The following PPP1R21 variants were observed in gnomAD, a reference collection of about 807,000 sequenced individuals.
The protein encoded by PPP1R21 is KLRAQ motif containing 1.
PPP1R21 carries 85 observed loss-of-function variants against 112.8 expected under a neutral mutation model. The observed-to-expected ratio is 0.75, with a 90% confidence interval of 0.63 to 0.90. The LOEUF (loss-of-function observed/expected upper bound fraction) is 0.90, where lower values mean the gene tolerates loss of function less well. Ranked by LOEUF, PPP1R21 falls within the 40% of genes least tolerant of loss-of-function variation. The pLI, the probability that PPP1R21 is intolerant of heterozygous loss-of-function variation, is 0.00. For synonymous variants in PPP1R21, 381 were observed against 322.3 expected (o/e 1.18, Z -1.95); for missense variants, 1,199 against 901.5 (o/e 1.33, Z -4.23).
chr2:48,469,420 TATATATAGAGC>T, intron 9 of PPP1R21, among the ~76,000 whole-genome samples: 1 of 111,528 alleles, frequency 9.0e-6, no homozygotes, highest in Non-Finnish European at 1.8e-5. Context: ...AGAGAGCATA[TATATATAGAGC>T]ATATATATAT....
intron 1 of PPP1R21, among the ~76,000 whole-genome samples, chr2:48,443,129 C>G (rs1667104653): frequency 6.6e-6 from 1 of 152,040 alleles, no homozygotes; most frequent in African/African-American, 2.4e-5. Flanking sequence ...TTTTGAGTGC[C>G]TGCTGTGTGC....
intron 10 of PPP1R21, 34 bp from the exon 11 acceptor site, chr2:48,471,245 C>G: frequency 6.2e-7 from 1 of 1,606,896 alleles, no homozygotes; most frequent in Non-Finnish European, 8.5e-7. Flanking sequence ...TGTCCAGTAG[C>G]ACTTTTAACC....
In PPP1R21 at chr2:48,510,030, A is replaced by T. The variant is rs1214575560; in HGVS notation, c.2101A>T (p.Lys701Ter). Residue 701 changes from lysine (K) to a stop codon, truncating the protein, a stop_gained, in exon 20 of 22, where the codon AAA (lysine) becomes TAA (stop). Transcript: ENST00000294952. LOFTEE classifies it high-confidence loss of function. Reference sequence around the variant, plus strand: ...GATTTTACAGTGCCGAGCACTGTCTAAAAGACTGGCCTTGGCTGAAAAGTC... The same window carrying T: ...GATTTTACAGTGCCGAGCACTGTCTTAAAGACTGGCCTTGGCTGAAAAGTC... ...HFYAECRALS[K>*]RLALAEKSKE... 5.0e-6 allele frequency: 8 copies of T among 1,613,754 alleles called. No individual in the cohort carries two copies. The highest frequency in any genetic ancestry group is 6.8e-6 in the Non-Finnish European group (8 of 1,179,710).
At chr2:48,478,541 A>G (rs1668860177) in intron 12 of PPP1R21, among the ~76,000 whole-genome samples, 1 of 152,122 alleles carries the variant, frequency 6.6e-6, no homozygotes, top group Non-Finnish European at 1.5e-5. Context: ...TTGCTGATTG[A>G]TTGCTCTCAT....
intron 18 of PPP1R21, among the ~76,000 whole-genome samples, chr2:48,506,108 A>G (rs1670362064): frequency 6.6e-6 from 1 of 152,164 alleles, no homozygotes; most frequent in African/African-American, 2.4e-5. Context: ...TTATTTATTT[A>G]TTTAGAGACA....
chr2:48,510,925 A>C (rs1457975796), intron 20 of PPP1R21, among the ~76,000 whole-genome samples: 5 of 152,186 alleles, frequency 3.3e-5, no homozygotes, highest in Non-Finnish European at 7.3e-5. Context: ...GCTGAGAAAA[A>C]CTTGTTGCCA....
At chr2:48,508,679 ACCTG>A (rs1359506840) in intron 19 of PPP1R21, among the ~76,000 whole-genome samples, 5 of 152,024 alleles carry the variant, frequency 3.3e-5, no homozygotes, top group Non-Finnish European at 5.9e-5. Flanking sequence ...TTTCACAAGG[ACCTG>A]TGCCTTGCAT....
At chr2:48,441,654 C>T (rs1434404598) in intron 1 of PPP1R21, among the ~76,000 whole-genome samples, 1 of 152,232 alleles carries the variant, frequency 6.6e-6, no homozygotes, top group African/African-American at 2.4e-5. Flanking sequence ...GCTCAATACA[C>T]ATTAAGCAAC....
intron 4 of PPP1R21, among the ~76,000 whole-genome samples, chr2:48,459,030 T>G (rs949984006): frequency 6.8e-6 from 1 of 146,294 alleles, no homozygotes; most frequent in Non-Finnish European, 1.5e-5. Context: ...AGGCGGAGCT[T>G]GCAGTGAGCC....
chr2:48,465,032 A>T (rs1572846790), intron 8 of PPP1R21, 43 bp downstream of exon 8: 1 of 1,463,540 alleles, frequency 6.8e-7, no homozygotes, highest in Non-Finnish European at 9.2e-7. Flanking sequence ...TTATATATAC[A>T]TCAGACTTTC....
intron 9 of PPP1R21, among the ~76,000 whole-genome samples, chr2:48,469,308 TACAC>T (rs200485571): frequency 2.1e-4 from 26 of 125,292 alleles, no homozygotes; most frequent in South Asian, 7.4e-4. Flanking sequence ...TGTATATATA[TACAC>T]ACACACACAT....
intron 7 of PPP1R21, among the ~76,000 whole-genome samples, chr2:48,464,506 C>T (rs1668113709): frequency 6.6e-6 from 1 of 152,168 alleles, no homozygotes; most frequent in African/African-American, 2.4e-5. Context: ...TTGGGATCCA[C>T]AGTGGCAGAC....
intron 9 of PPP1R21, among the ~76,000 whole-genome samples, chr2:48,468,337 C>G (rs530273221): frequency 3.3e-5 from 5 of 152,164 alleles, no homozygotes; most frequent in Non-Finnish European, 4.4e-5. Context: ...AGGTGCTTGG[C>G]TTTCATCAAT....
intron 14 of PPP1R21, among the ~76,000 whole-genome samples, chr2:48,488,044 T>C (rs1214397823): frequency 1.3e-5 from 2 of 152,208 alleles, no homozygotes; most frequent in African/African-American, 4.8e-5. Flanking sequence ...GGAACAAATA[T>C]TCTTCAAGTG....
Position 48,480,248 on chromosome 2 carries a change from G to A in PPP1R21, c.1318+232G>A, listed in dbSNP as rs77345010. On this transcript the variant is annotated intron_variant, in intron 13 of 21. Transcript: ENST00000294952. ...TCCTTGTGTACAGTCCTTGTGTACA[G>A]TACTTTAGCCAGAAATACGTTACAC... is the stretch of plus-strand genomic sequence containing the variant. Among the ~76,000 whole-genome samples the A allele has an allele frequency of 6.7e-3, 1,014 of 152,308 alleles. 12 individuals carry two copies. Among genetic ancestry groups the A allele is most frequent in the South Asian group, 0.02 (97 of 4,830 alleles).
intron 14 of PPP1R21, 126 bp from the exon 15 acceptor site, chr2:48,490,892 G>T (rs1048819743): frequency 1.4e-6 from 1 of 738,016 alleles, no homozygotes; most frequent in African/African-American, 1.8e-5. Flanking sequence ...CTTTGGGGCA[G>T]GTGTTGAAAT....
intron 6 of PPP1R21, 97 bp downstream of exon 6, chr2:48,460,250 T>A (rs1667918043): frequency 8.1e-7 from 1 of 1,240,342 alleles, no homozygotes; most frequent in South Asian, 1.3e-5. Flanking sequence ...TGTCTTACAT[T>A]TAAAAGGAGA....
chr2:48,473,314 G>A (rs1465231247), intron 11 of PPP1R21, among the ~76,000 whole-genome samples: 1 of 151,870 alleles, frequency 6.6e-6, no homozygotes, highest in Non-Finnish European at 1.5e-5. Flanking sequence ...TTTGAAAATC[G>A]ACTCTAGAGG....
intron 16 of PPP1R21, among the ~76,000 whole-genome samples, chr2:48,496,067 C>G (rs911133040): frequency 4.6e-5 from 7 of 152,024 alleles, no homozygotes; most frequent in Admixed American, 4.6e-4. Context: ...GTCTGAAATA[C>G]CAAAGTATAA....
Sources: gnomAD v4.1 joint callset for allele counts (sites outside exome capture counted in the v4.1 genomes callset) on GRCh38, gnomAD v4.1.1 for gene constraint, MANE v1.5 for transcripts, NCBI Gene and HGNC (gene_info 2026-07-23, HGNC 2026-07-21) for gene names.